Variants in SHOC2 observed in about 807,000 individuals in gnomAD.
The protein encoded by SHOC2 is leucine-rich repeat protein SHOC-2.
A neutral mutation model predicts 50.2 loss-of-function variants in SHOC2; 4 were observed. That is an observed-to-expected ratio of 0.08 (90% CI 0.04 to 0.18). SHOC2 has a LOEUF of 0.18. SHOC2 is among the 10% of genes least tolerant of loss of function. SHOC2 has a pLI of 1.00. For synonymous variants in SHOC2, 218 were observed against 244.5 expected, an observed-to-expected ratio of 0.89 and a Z score of 1.01; for missense variants, 388 against 669.6, an observed-to-expected ratio of 0.58 and a Z score of 4.64.
At chr10:110,968,410 T>G (rs1290459435) in intron 2 of SHOC2, among the ~76,000 whole-genome samples, 2 of 152,132 alleles carry the variant, frequency 1.3e-5, no homozygotes, top group Non-Finnish European at 2.9e-5. Context: ...TTTTAAAGTG[T>G]TAAACACCTT....
chr10:110,929,531 A>G (rs1467108966), intron 1 of SHOC2, among the ~76,000 whole-genome samples: 1 of 152,202 alleles, frequency 6.6e-6, no homozygotes, highest in East Asian at 1.9e-4. Context: ...TGGGCGGCTT[A>G]AGCAACAGTA....
chr10:110,940,843 T>C (rs1318783252), intron 1 of SHOC2, among the ~76,000 whole-genome samples: 2 of 151,592 alleles, frequency 1.3e-5, no homozygotes, highest in African/African-American at 2.4e-5. Context: ...TCACACACTC[T>C]TTCTATAGAT....
intron 2 of SHOC2, among the ~76,000 whole-genome samples, chr10:110,974,695 A>G (rs1349285696): frequency 2.0e-5 from 3 of 151,936 alleles, no homozygotes; most frequent in Non-Finnish European, 4.4e-5. Flanking sequence ...TCTAGTGTTT[A>G]CAATACATTA....
At chr10:110,985,965 C>A (rs1848068579) in intron 3 of SHOC2, 200 bp downstream of exon 3, 1 of 543,686 alleles carries the variant, frequency 1.8e-6, no homozygotes, top group Non-Finnish European at 3.3e-6. Context: ...GAAATGAGCC[C>A]AATGGGATTA....
At chr10:110,921,991 AC>A (rs1028859656) in intron 1 of SHOC2, among the ~76,000 whole-genome samples, 15 of 152,032 alleles carry the variant, frequency 9.9e-5, no homozygotes, top group South Asian at 4.1e-4. Context: ...TTTTTAAACT[AC>A]CGTATTCAGA....
chr10:110,923,365 G>T (rs937897229), intron 1 of SHOC2, among the ~76,000 whole-genome samples: 1 of 151,944 alleles, frequency 6.6e-6, no homozygotes, highest in African/African-American at 2.4e-5. Flanking sequence ...ATATATAATT[G>T]AATTATTTTA....
chr10:110,999,737 A>C (rs1848332838), intron 3 of SHOC2, among the ~76,000 whole-genome samples: 1 of 7,542 alleles, frequency 1.3e-4, no homozygotes, highest in African/African-American at 2.9e-4. Flanking sequence ...ACTCAGTCTC[A>C]AAAAAAAAAA....
At chr10:110,994,489 A>G (rs1848235828) in intron 3 of SHOC2, among the ~76,000 whole-genome samples, 1 of 152,214 alleles carries the variant, frequency 6.6e-6, no homozygotes, top group Admixed American at 6.5e-5. Context: ...TTCTTTTTTA[A>G]AAAATTAAAT....
At chr10:110,986,027 A>G (rs2134149657) in intron 3 of SHOC2, 1 of 360,608 alleles carries the variant, frequency 2.8e-6, no homozygotes, top group Non-Finnish European at 5.2e-6. Flanking sequence ...TCATAGTTTG[A>G]ATTGCAAAAT....
chr10:110,951,874 T>C (rs1279095770), intron 1 of SHOC2: 2 of 152,278 alleles, frequency 1.3e-5, no homozygotes, highest in African/African-American at 4.8e-5. Context: ...GCCAAGCTGG[T>C]CTTGAACTCC....
intron 1 of SHOC2, among the ~76,000 whole-genome samples, chr10:110,951,974 A>G (rs1324518578): frequency 3.9e-5 from 6 of 152,098 alleles, no homozygotes; most frequent in East Asian, 1.9e-4. Context: ...TGTCTTTTCA[A>G]TTGATTAAAA....
At chr10:110,926,765 A>T (rs139700371) in intron 1 of SHOC2, among the ~76,000 whole-genome samples, 2 of 152,208 alleles carry the variant, frequency 1.3e-5, no homozygotes, top group Admixed American at 1.3e-4. Flanking sequence ...GAAAAATTCC[A>T]TTCAAAATGA....
At chr10:110,994,279 G>A (rs1442210923) in intron 3 of SHOC2, among the ~76,000 whole-genome samples, 1 of 152,178 alleles carries the variant, frequency 6.6e-6, no homozygotes, top group Admixed American at 6.5e-5. Flanking sequence ...GAATGGAATA[G>A]GCAAGGGATA....
At chr10:110,948,461 A>T (rs1304748720) in intron 1 of SHOC2, among the ~76,000 whole-genome samples, 1 of 152,212 alleles carries the variant, frequency 6.6e-6, no homozygotes, top group Non-Finnish European at 1.5e-5. Flanking sequence ...TGCACATTGA[A>T]CATTCTTTAA....
At chr10:110,935,476 A>G (rs1261731093) in intron 1 of SHOC2, among the ~76,000 whole-genome samples, 3 of 152,200 alleles carry the variant, frequency 2.0e-5, no homozygotes, top group Non-Finnish European at 4.4e-5. Context: ...GTGTTTCCAT[A>G]TACTGCTGTT....
At position 110,989,051 on chromosome 10, in the gene SHOC2, A is replaced by G. The variant is rs571276855; in HGVS notation, c.841+3286A>G. The G allele has an allele frequency of 5.4e-5, 27 of 500,468 alleles. No homozygotes were observed. In the East Asian group the frequency reaches 1.2e-3, roughly 22 times the overall value. 31.0% of individuals were successfully genotyped at this position (500,468 alleles called of 1,614,324 possible). A position where few individuals can be genotyped will look rare whatever the true frequency, so the allele number is the denominator to read the frequency against. ...GTTCCCAAAAGCTTGACAATTTTCC[A>G]TGATATATTATTGACTTCTAATTTA... On this transcript the variant is annotated intron_variant, in intron 3 of 8. Transcript: ENST00000369452.
At chr10:111,009,412 T>G (rs764935259) in intron 7 of SHOC2, 27 bp downstream of exon 7, 1 of 1,582,778 alleles carries the variant, frequency 6.3e-7, no homozygotes. Flanking sequence ...TTTTGTAGTT[T>G]TATAAAGTTT....
intron 1 of SHOC2, chr10:110,937,254 A>G (rs1482743657): frequency 2.1e-6 from 2 of 944,704 alleles, no homozygotes. Context: ...CCCTTGGGAA[A>G]GCTGCTTTTT....
At chr10:110,944,055 A>T (rs1046078562) in intron 1 of SHOC2, among the ~76,000 whole-genome samples, 2 of 152,152 alleles carry the variant, frequency 1.3e-5, no homozygotes, top group Non-Finnish European at 2.9e-5. Flanking sequence ...AGACCTGCCT[A>T]TTATCTCCCT....
Sources: gnomAD v4.1 joint callset for allele counts (sites outside exome capture counted in the v4.1 genomes callset) on GRCh38, gnomAD v4.1.1 for gene constraint, MANE v1.5 for transcripts, NCBI Gene and HGNC (gene_info 2026-07-23, HGNC 2026-07-21) for gene names.